SETD3: variants seen among roughly 807,000 people sequenced by gnomAD.
The protein encoded by SETD3 is actin-histidine N-methyltransferase.
Under a neutral mutation model 63.0 loss-of-function variants are expected in SETD3, and 19 were observed. That is an observed-to-expected ratio of 0.30 (90% CI 0.21 to 0.44). The LOEUF (loss-of-function observed/expected upper bound fraction) is 0.44, where lower values mean the gene tolerates loss of function less well. Ranked by LOEUF, SETD3 falls within the 20% of genes least tolerant of loss-of-function variation. The pLI is 1.00. For missense variants in SETD3, 587 were observed against 728.5 expected (o/e 0.81, Z 2.24); for synonymous variants, 286 against 264.1 (o/e 1.08, Z -0.80).
chr14:99,410,613 C>T (rs1891933658), intron 8 of SETD3, among the ~76,000 whole-genome samples: 1 of 152,176 alleles, frequency 6.6e-6, no homozygotes, highest in South Asian at 2.1e-4. Context: ...ACAAATCATG[C>T]AAGATATAAA....
At chr14:99,448,902 G>C (rs1429983983) in intron 6 of SETD3, among the ~76,000 whole-genome samples, 1 of 152,178 alleles carries the variant, frequency 6.6e-6, no homozygotes, top group Non-Finnish European at 1.5e-5. Flanking sequence ...GCTGTGTTAT[G>C]CATCAATTTC....
intron 8 of SETD3, among the ~76,000 whole-genome samples, chr14:99,410,430 TG>T (rs1891923656): frequency 6.6e-6 from 1 of 152,200 alleles, no homozygotes; most frequent in Non-Finnish European, 1.5e-5. Flanking sequence ...AATTTCCAGC[TG>T]CCCTTTCATC....
intron 1 of SETD3, among the ~76,000 whole-genome samples, chr14:99,480,064 T>C (rs2139833262): frequency 6.6e-6 from 1 of 151,994 alleles, no homozygotes; most frequent in South Asian, 2.1e-4. Context: ...AGTAGGGCAC[T>C]GCGCGTGTGG....
At chr14:99,403,516 G>A (rs1283913619) in intron 11 of SETD3, among the ~76,000 whole-genome samples, 2 of 148,468 alleles carry the variant, frequency 1.3e-5, no homozygotes, top group East Asian at 4.1e-4. Flanking sequence ...TGAAACCTCA[G>A]GGCCAGGAAA....
In SETD3 at chr14:99,403,455, ACTCTCTCTCTCTCT is replaced by A. The variant is rs55804663; in HGVS notation, c.1177+756_1177+769del. 5.9e-3 allele frequency among the ~76,000 whole-genome samples: 803 copies of A among 135,536 alleles called. 7 individuals carry two copies. Among genetic ancestry groups the A allele is most frequent in the African/African-American group, 0.022 (731 of 33,392 alleles). The allele number at this position is 135,536 out of a possible 152,430, so 88.9% of individuals were successfully genotyped here. A position where few individuals can be genotyped will look rare whatever the true frequency, so the allele number is the denominator to read the frequency against. ...TACACACACACACACACACACACACACTCTCTCTCTCTCTCTCTCTCTCTCTCTCTCTCTTTCTC... is the reference window on the plus strand; with the variant it reads ...TACACACACACACACACACACACACACTCTCTCTCTCTCTCTCTCTTTCTC... On this transcript the variant is annotated intron_variant, in intron 11 of 12. Coordinates refer to ENST00000331768, the MANE Select transcript of SETD3 (RefSeq NM_032233.3).
At chr14:99,433,505 T>C (rs532934952) in intron 6 of SETD3, among the ~76,000 whole-genome samples, 1 of 152,234 alleles carries the variant, frequency 6.6e-6, no homozygotes, top group East Asian at 1.9e-4. Flanking sequence ...TGGTGCGATC[T>C]TGGCTCACTG....
rs532461537 is a variant in SETD3, at chr14:99,479,944, C to T, written c.-9+784G>A. ...GCGCGCGTCACTGTCAGCTCCTTTT[C>T]CCAAGTGGAGACCGGGAAAAGACAA... On this transcript the variant is annotated intron_variant, in intron 1 of 12. Coordinates refer to ENST00000331768, the MANE Select transcript of SETD3 (RefSeq NM_032233.3). Among the ~76,000 whole-genome samples, 13 of 151,834 alleles carry T rather than the reference C, an allele frequency of 8.6e-5. No individual in the cohort carries two copies. The South Asian group carries it at 2.3e-3, about 27-fold the overall frequency.
At chr14:99,421,308 A>C (rs567492066) in intron 6 of SETD3, among the ~76,000 whole-genome samples, 27 of 152,170 alleles carry the variant, frequency 1.8e-4, no homozygotes, top group South Asian at 1.2e-3. Context: ...TATTATCACC[A>C]GTTTCATAAT....
At chr14:99,472,740 C>A (rs1161420878) in intron 1 of SETD3, among the ~76,000 whole-genome samples, 2 of 152,038 alleles carry the variant, frequency 1.3e-5, no homozygotes, top group African/African-American at 2.4e-5. Context: ...AATGCTAACT[C>A]AAAAATTTTT....
rs1895536012 is a variant in SETD3 at position 99,468,774 on chromosome 14, C to T, written c.-8-2961G>A. On this transcript the variant is annotated intron_variant, in intron 1 of 12. Coordinates refer to ENST00000331768, the MANE Select transcript of SETD3 (RefSeq NM_032233.3). Reference sequence around the variant, plus strand: ...AGTCACAATCTTCTCTTCTCTGCACCTCTGCAATTCCTTGTATGTTCTCCC... The same window carrying T: ...AGTCACAATCTTCTCTTCTCTGCACTTCTGCAATTCCTTGTATGTTCTCCC... Among the ~76,000 whole-genome samples the T allele has an allele frequency of 2.6e-5, 4 of 152,212 alleles. No homozygotes were observed. In the South Asian group the frequency reaches 8.3e-4, roughly 31 times the overall value.
intron 6 of SETD3, among the ~76,000 whole-genome samples, chr14:99,421,664 A>G (rs1892603733): frequency 6.6e-6 from 1 of 152,078 alleles, no homozygotes. Flanking sequence ...TGTGCCGGGC[A>G]CTCTATCGAG....
chr14:99,471,331 C>A (rs902409670), intron 1 of SETD3, among the ~76,000 whole-genome samples: 1 of 152,154 alleles, frequency 6.6e-6, no homozygotes, highest in Non-Finnish European at 1.5e-5. Flanking sequence ...GAAACATTTA[C>A]TGAATATTTA....
intron 6 of SETD3, among the ~76,000 whole-genome samples, chr14:99,429,854 C>T (rs991188108): frequency 6.6e-5 from 10 of 152,208 alleles, no homozygotes; most frequent in African/African-American, 2.4e-4. Flanking sequence ...TAAGGCCTAC[C>T]TTATATGCTT....
intron 6 of SETD3, among the ~76,000 whole-genome samples, chr14:99,453,415 C>T (rs1595237121): frequency 3.3e-5 from 5 of 152,074 alleles, no homozygotes; most frequent in African/African-American, 1.2e-4. Flanking sequence ...TGTCATGAAC[C>T]CTCATTCAAA....
intron 6 of SETD3, among the ~76,000 whole-genome samples, chr14:99,443,237 T>C (rs899595285): frequency 6.6e-6 from 1 of 151,690 alleles, no homozygotes; most frequent in Admixed American, 6.6e-5. Context: ...TAAAGCAATC[T>C]TCCTTCTCTG....
chr14:99,418,779 C>T (rs996636251), intron 6 of SETD3, among the ~76,000 whole-genome samples: 5 of 151,990 alleles, frequency 3.3e-5, no homozygotes, highest in African/African-American at 4.8e-5. Flanking sequence ...AGATGGACAT[C>T]CCCAGAAGGA....
intron 6 of SETD3, chr14:99,444,327 A>G (rs1894007156): frequency 6.6e-6 from 1 of 152,194 alleles, no homozygotes; most frequent in Non-Finnish European, 1.5e-5. Context: ...GGCAGCACAT[A>G]TACTAAAACT....
intron 6 of SETD3, among the ~76,000 whole-genome samples, chr14:99,452,848 G>GC: frequency 6.6e-6 from 1 of 152,114 alleles, no homozygotes; most frequent in East Asian, 1.9e-4. Context: ...GGCAGATCGC[G>GC]GGGGGAGAAA....
intron 5 of SETD3, 122 bp downstream of exon 5, chr14:99,458,991 A>G: frequency 6.3e-6 from 4 of 634,284 alleles, no homozygotes; most frequent in Non-Finnish European, 1.1e-5. Context: ...CACTTAATGC[A>G]TATTTGAGGG....
Sources: gnomAD v4.1 joint callset for allele counts (sites outside exome capture counted in the v4.1 genomes callset) on GRCh38, gnomAD v4.1.1 for gene constraint, MANE v1.5 for transcripts, NCBI Gene and HGNC (gene_info 2026-07-23, HGNC 2026-07-21) for gene names.